Variants in FAM81A observed in about 807,000 individuals in gnomAD.
FAM81A encodes the protein protein FAM81A.
FAM81A carries 19 observed loss-of-function variants against 46.7 expected under a neutral mutation model. That is an observed-to-expected ratio of 0.41 (90% CI 0.28 to 0.60). The LOEUF (loss-of-function observed/expected upper bound fraction) is 0.60, where lower values mean the gene tolerates loss of function less well. Ranked by LOEUF, FAM81A falls within the 20% of genes least tolerant of loss-of-function variation. The pLI is 0.34. For synonymous variants in FAM81A, 183 were observed against 152.9 expected, an observed-to-expected ratio of 1.20 and a Z score of -1.45; for missense variants, 377 against 453.5, an observed-to-expected ratio of 0.83 and a Z score of 1.53.
intron 1 of FAM81A, among the ~76,000 whole-genome samples, chr15:59,453,465 T>C (rs1415964627): frequency 6.6e-6 from 1 of 152,184 alleles, no homozygotes; most frequent in Non-Finnish European, 1.5e-5. Flanking sequence ...TGTGAGCAGC[T>C]GTTAGTTATG....
chr15:59,517,722 A>T (rs559927158), intron 8 of FAM81A, among the ~76,000 whole-genome samples: 1 of 152,352 alleles, frequency 6.6e-6, no homozygotes, highest in East Asian at 1.9e-4. Flanking sequence ...AGGAGCTACA[A>T]TTAAATATAT....
chr15:59,464,191 C>T (rs78492784), intron 3 of FAM81A, among the ~76,000 whole-genome samples: 2,105 of 152,184 alleles, frequency 0.014, 39 homozygotes, highest in African/African-American at 0.049. Flanking sequence ...TGTATATACA[C>T]CACATTGTCT....
upstream of FAM81A, among the ~76,000 whole-genome samples, chr15:59,434,664 T>C (rs959986969): frequency 1.3e-5 from 2 of 152,336 alleles, no homozygotes; most frequent in South Asian, 4.1e-4. Context: ...CATATGACTG[T>C]TCCTTGTGGT....
intron 8 of FAM81A, among the ~76,000 whole-genome samples, chr15:59,520,383 A>G (rs1418101595): frequency 5.3e-5 from 8 of 152,050 alleles, no homozygotes; most frequent in African/African-American, 1.9e-4. Flanking sequence ...TATTTTTCCT[A>G]TAATTAGTGA....
At chr15:59,512,923 G>A (rs892477472) in intron 6 of FAM81A, among the ~76,000 whole-genome samples, 1 of 152,214 alleles carries the variant, frequency 6.6e-6, no homozygotes, top group Admixed American at 6.5e-5. Context: ...GGGATCCTGG[G>A]AAATGTGGTC....
intron 4 of FAM81A, among the ~76,000 whole-genome samples, chr15:59,502,280 C>A (rs1259548398): frequency 6.6e-6 from 1 of 151,286 alleles, no homozygotes; most frequent in Admixed American, 6.6e-5. Context: ...GTGCTGCACC[C>A]ATTAACTCGT....
At chr15:59,421,586 G>A (rs1007705237) in intron 2 of FAM81A, among the ~76,000 whole-genome samples, 3 of 152,100 alleles carry the variant, frequency 2.0e-5, no homozygotes, top group South Asian at 2.1e-4. Context: ...CTACTTTGCC[G>A]TTGCTGCCTG....
chr15:59,465,189 A>G lies in FAM81A; in HGVS notation c.294+4983A>G, dbSNP rs192940551. Among the ~76,000 whole-genome samples, 123 of 152,314 alleles carry G rather than the reference A, an allele frequency of 8.1e-4. 1 individual carries two copies. The East Asian group carries it at 0.015, about 19-fold the overall frequency. On this transcript the variant is annotated intron_variant, in intron 3 of 8. Coordinates refer to ENST00000288228, the MANE Select transcript of FAM81A (RefSeq NM_152450.3). ...TGTTCTATGTGTCTATTTTTATGCC[A>G]GTACCATGCTGTTTTGGTTACTACA...
At position 59,426,653 on chromosome 15, in the gene FAM81A, A is replaced by G. The variant is rs139378389; in HGVS notation, c.-78+24295A>G. Among the ~76,000 whole-genome samples the G allele has an allele frequency of 1.3e-3, 201 of 152,326 alleles. 4 individuals are homozygous for G. The highest frequency in any genetic ancestry group is 4.5e-3 in the African/African-American group (189 of 41,588). ...AACAAACAAAGAAATACATGTACTC[A>G]GTTTATAAAATCAAACTTGCTTATA... On this transcript the variant is annotated intron_variant, in intron 2 of 4. Transcript: ENST00000558348.
At position 59,476,225 on chromosome 15, in the gene FAM81A, A is replaced by AT. The variant is rs778127240; in HGVS notation, c.295-16030dup. Reference sequence around the variant, plus strand: ...TCAAGGGTTAGGAGTTTAACCTACAATTTTTTTTTTTTTTTTAGACTGGGT... The same window carrying AT: ...TCAAGGGTTAGGAGTTTAACCTACAATTTTTTTTTTTTTTTTTAGACTGGGT... On this transcript the variant is annotated intron_variant, in intron 3 of 8. Transcript: ENST00000288228. 7.4e-3 allele frequency among the ~76,000 whole-genome samples: 1,041 copies of AT among 140,898 alleles called. 3 individuals carry two copies. The highest frequency in any genetic ancestry group is 0.015 in the African/African-American group (582 of 38,540). 92.4% of individuals were successfully genotyped at this position (140,898 alleles called of 152,430 possible). A position where few individuals can be genotyped will look rare whatever the true frequency, so the allele number is the denominator to read the frequency against.
At chr15:59,405,988 G>A (rs1596458373) in intron 2 of FAM81A, among the ~76,000 whole-genome samples, 1 of 152,140 alleles carries the variant, frequency 6.6e-6, no homozygotes, top group South Asian at 2.1e-4. Context: ...CCTTCTGCCT[G>A]ATAACAAATA....
At chr15:59,510,604 G>A (rs1315413092) in intron 6 of FAM81A, among the ~76,000 whole-genome samples, 1 of 151,432 alleles carries the variant, frequency 6.6e-6, no homozygotes, top group Non-Finnish European at 1.5e-5. Flanking sequence ...AAATAAAGAT[G>A]TTTCAGACAA....
chr15:59,501,953 T>C (rs974239683), intron 4 of FAM81A, among the ~76,000 whole-genome samples: 5 of 152,188 alleles, frequency 3.3e-5, no homozygotes, highest in African/African-American at 1.2e-4. Context: ...ATGTCTTTGA[T>C]TTAACGCTAG....
chr15:59,480,511 GA>G (rs1448138175), intron 3 of FAM81A, among the ~76,000 whole-genome samples: 1 of 152,072 alleles, frequency 6.6e-6, no homozygotes, highest in African/African-American at 2.4e-5. Flanking sequence ...CCGTATCTTT[GA>G]AAAAATAAAT....
chr15:59,459,354 A>C (rs576080193), intron 2 of FAM81A, among the ~76,000 whole-genome samples: 23 of 152,160 alleles, frequency 1.5e-4, no homozygotes, highest in Non-Finnish European at 2.9e-4. Context: ...TTTCACATAC[A>C]AGTCGGGATT....
intron 3 of FAM81A, among the ~76,000 whole-genome samples, chr15:59,466,518 C>G (rs145108439): frequency 0.01 from 1,537 of 152,226 alleles, 24 homozygotes; most frequent in African/African-American, 0.034. Context: ...TGAGATGTGT[C>G]TGTTCATTTC....
chr15:59,464,788 T>A (rs2081592796), intron 3 of FAM81A, among the ~76,000 whole-genome samples: 1 of 152,220 alleles, frequency 6.6e-6, no homozygotes, highest in Admixed American at 6.5e-5. Flanking sequence ...GTGGATTGCT[T>A]CCTTTATTGT....
intron 3 of FAM81A, among the ~76,000 whole-genome samples, chr15:59,472,780 C>T (rs2081712572): frequency 6.6e-6 from 1 of 152,194 alleles, no homozygotes; most frequent in East Asian, 1.9e-4. Context: ...CATTAACCCC[C>T]TTAAGTTAGT....
intron 6 of FAM81A, among the ~76,000 whole-genome samples, chr15:59,512,436 T>C (rs1283625645): frequency 1.6e-5 from 2 of 122,026 alleles, no homozygotes; most frequent in Non-Finnish European, 3.1e-5. Flanking sequence ...CACACCACTG[T>C]ACTCCAGCCT....
Sources: allele counts gnomAD v4.1 joint callset (sites outside exome capture counted in the v4.1 genomes callset), GRCh38; gene constraint gnomAD v4.1.1; transcripts MANE v1.5; gene names NCBI Gene and HGNC (gene_info 2026-07-23, HGNC 2026-07-21).